The following PDE8B variants were observed in gnomAD, a reference collection of about 807,000 sequenced individuals.
PDE8B encodes high affinity cAMP-specific and IBMX-insensitive 3',5'-cyclic phosphodiesterase 8B.
Under a neutral mutation model 101.3 loss-of-function variants are expected in PDE8B, and 26 were observed. That is an observed-to-expected ratio of 0.26 (90% CI 0.19 to 0.36). The LOEUF (loss-of-function observed/expected upper bound fraction) is 0.36. PDE8B is among the 10% of genes least tolerant of loss of function. The pLI, the probability that PDE8B is intolerant of heterozygous loss-of-function variation, is 1.00. For missense variants in PDE8B, 810 were observed against 1,163.1 expected (o/e 0.70, Z 4.42); for synonymous variants, 424 against 429.3 (o/e 0.99, Z 0.15).
the PDE8B span, among the ~76,000 whole-genome samples, chr5:77,183,831 A>G: frequency 6.6e-6 from 1 of 152,236 alleles, no homozygotes; most frequent in Non-Finnish European, 1.5e-5. Context: ...TCACAGTCAC[A>G]TACAGTACTT....
intron 1 of PDE8B, among the ~76,000 whole-genome samples, chr5:77,279,610 A>G (rs1377085029): frequency 6.6e-6 from 1 of 152,174 alleles, no homozygotes; most frequent in Non-Finnish European, 1.5e-5. Context: ...TTTAATTATC[A>G]CAAGAAGCCT....
At chr5:77,290,632 A>G in intron 1 of PDE8B, 3 of 1,512,448 alleles carry the variant, frequency 2.0e-6, no homozygotes. Flanking sequence ...GTTCAGGAGT[A>G]TGTGGATATC....
In PDE8B at chr5:77,290,128, C is replaced by T. The variant is rs1766941681; in HGVS notation, c.340-21866C>T. 6 of 1,094,574 alleles carry T rather than the reference C, an allele frequency of 5.5e-6. No individual in the cohort carries two copies. The Admixed American group carries it at 1.0e-4, about 18-fold the overall frequency. The allele number at this position is 1,094,574 out of a possible 1,614,324, so 67.8% of individuals were successfully genotyped here. ...TCTCCAAGGGGTAAGTATTATTACC[C>T]CTAGTTCCACGTGTGGAAAATGAAT... On this transcript the variant is annotated intron_variant, in intron 1 of 21. Coordinates refer to ENST00000264917, the MANE Select transcript of PDE8B (RefSeq NM_003719.5).
chr5:77,349,014 A>G (rs1012269290), intron 7 of PDE8B, among the ~76,000 whole-genome samples: 14 of 152,114 alleles, frequency 9.2e-5, no homozygotes, highest in African/African-American at 3.1e-4. Context: ...AACTACAAAC[A>G]TATGGACCCA....
the PDE8B span, among the ~76,000 whole-genome samples, chr5:77,174,021 C>G: frequency 6.6e-6 from 1 of 152,210 alleles, no homozygotes; most frequent in Non-Finnish European, 1.5e-5. Flanking sequence ...TTCTGGCCAT[C>G]TGCTTAAGTC....
At chr5:77,342,794 C>T (rs894231446) in intron 6 of PDE8B, among the ~76,000 whole-genome samples, 3 of 152,132 alleles carry the variant, frequency 2.0e-5, no homozygotes, top group Non-Finnish European at 4.4e-5. Flanking sequence ...CACTGGAGAG[C>T]TGCAGAGGTG....
In PDE8B at chr5:77,210,829, G is replaced by T. The variant is rs1216154533; in HGVS notation, c.-97G>T. 2 of 992,288 alleles carry T rather than the reference G, an allele frequency of 2.0e-6. No homozygotes were observed. The highest frequency in any genetic ancestry group is 3.5e-5 in the African/African-American group (2 of 56,794). The allele number at this position is 992,288 out of a possible 1,614,324, so 61.5% of individuals were successfully genotyped here. A position where few individuals can be genotyped will look rare whatever the true frequency, so the allele number is the denominator to read the frequency against. On this transcript the variant is annotated 5_prime_UTR_variant, in exon 1 of 22. Coordinates refer to ENST00000264917, the MANE Select transcript of PDE8B (RefSeq NM_003719.5). This position sits in a 1 kb window ranked among gnomAD's most constrained non-coding sequence, Gnocchi z 4.9. ...AGGCCGGGGGGCGCGCAGTCCGGGC[G>T]CCGCCGCGGCCGCCCCCTCACTGCA...
chr5:77,312,037 C>G lies in PDE8B; in HGVS notation c.383C>G (p.Thr128Arg). The change falls in exon 2 of 22, where the codon ACG (threonine) becomes AGG (arginine). Residue 128 changes from threonine to arginine, a missense_variant. By Grantham distance (71) the Thr-to-Arg change is moderately conservative. Around this residue, in one of 4 missense-constraint regions of PDE8B, gnomAD observed 251 missense variants for 378.8 expected, o/e 0.66. Coordinates refer to ENST00000264917, the MANE Select transcript of PDE8B (RefSeq NM_003719.5). ...AEVRIGPMRL[T>R]QDPIQVLLIF... Reference sequence around the variant, plus strand: ...GTGCGCATCGGGCCCATGAGACTGACGCAGGACCCTATTCAGGTACGCCTC... The same window carrying G: ...GTGCGCATCGGGCCCATGAGACTGAGGCAGGACCCTATTCAGGTACGCCTC... 4 of 1,611,670 alleles carry G rather than the reference C, an allele frequency of 2.5e-6. No homozygotes were observed. The highest frequency in any genetic ancestry group is 3.4e-6 in the Non-Finnish European group (4 of 1,178,026).
chr5:77,405,514 A>G (rs977319152), intron 12 of PDE8B, among the ~76,000 whole-genome samples: 8 of 152,164 alleles, frequency 5.3e-5, no homozygotes, highest in Non-Finnish European at 1.2e-4. Flanking sequence ...ATAGATGTGG[A>G]GTTGGCAGTC....
intron 10 of PDE8B, among the ~76,000 whole-genome samples, chr5:77,377,644 G>A (rs1001375906): frequency 1.3e-5 from 2 of 152,168 alleles, no homozygotes; most frequent in East Asian, 1.9e-4. Context: ...CCTTGTTTAT[G>A]GGAAGGTGTT....
chr5:77,123,456 A>C, the PDE8B span, among the ~76,000 whole-genome samples: 9 of 150,900 alleles, frequency 6.0e-5, no homozygotes, highest in African/African-American at 1.9e-4. Flanking sequence ...ACTTGAGAGG[A>C]GAGCTCTCAA....
At chr5:77,216,132 A>G (rs999527045) in intron 1 of PDE8B, among the ~76,000 whole-genome samples, 1 of 152,148 alleles carries the variant, frequency 6.6e-6, no homozygotes, top group Non-Finnish European at 1.5e-5. Context: ...ACTCAGAATA[A>G]TCAAATGAAG....
At chr5:77,271,560 T>C (rs1762813808) in intron 1 of PDE8B, among the ~76,000 whole-genome samples, 1 of 152,150 alleles carries the variant, frequency 6.6e-6, no homozygotes, top group African/African-American at 2.4e-5. Flanking sequence ...TTTTTTGATG[T>C]GAAGAACTTT....
chr5:77,353,427 G>A (rs372472522), intron 10 of PDE8B, 21 bp downstream of exon 10: 468 of 1,484,100 alleles, frequency 3.2e-4, no homozygotes, highest in Non-Finnish European at 4.2e-4. Context: ...AGCTCACTTC[G>A]TTTGCTCTGT....
intron 5 of PDE8B, among the ~76,000 whole-genome samples, chr5:77,336,039 C>T (rs1778122885): frequency 1.3e-5 from 2 of 152,178 alleles, no homozygotes; most frequent in South Asian, 4.1e-4. Flanking sequence ...GCCTACTCCT[C>T]TTTAAACGCG....
chr5:77,172,280 A>G, the PDE8B span, among the ~76,000 whole-genome samples: 3 of 152,222 alleles, frequency 2.0e-5, no homozygotes, highest in East Asian at 5.8e-4. Context: ...TAGTAGGCCC[A>G]CAATAAACAT....
chr5:77,286,301 G>A (rs1483913754), intron 1 of PDE8B, among the ~76,000 whole-genome samples: 1 of 152,162 alleles, frequency 6.6e-6, no homozygotes, highest in Non-Finnish European at 1.5e-5. Context: ...ACAGTTCCAG[G>A]ATCAGCCAGA....
intron 10 of PDE8B, among the ~76,000 whole-genome samples, chr5:77,373,096 C>CT (rs971934424): frequency 6.6e-6 from 1 of 151,440 alleles, no homozygotes; most frequent in African/African-American, 2.4e-5. Context: ...TGTCCTCTCT[C>CT]TTTTTTATTG....
At chr5:77,143,465 T>C in the PDE8B span, among the ~76,000 whole-genome samples, 10 of 152,228 alleles carry the variant, frequency 6.6e-5, no homozygotes, top group Non-Finnish European at 1.0e-4. Flanking sequence ...GGAAATATTT[T>C]CACAGATATA....
Sources: gnomAD v4.1 joint callset for allele counts (sites outside exome capture counted in the v4.1 genomes callset) on GRCh38, gnomAD v4.1.1 for gene constraint, gnomAD v4.1.1 regional missense constraint, Gnocchi (gnomAD v3.1) non-coding constraint, MANE v1.5 for transcripts, NCBI Gene and HGNC (gene_info 2026-07-23, HGNC 2026-07-21) for gene names.